LRRC69: variants seen among roughly 807,000 people sequenced by gnomAD.
LRRC69 encodes leucine-rich repeat-containing protein 69.
Under a neutral mutation model 37.8 loss-of-function variants are expected in LRRC69, and 42 were observed. The ratio of observed to expected loss-of-function variants is 1.11; its 90% CI spans 0.87 to 1.44. The LOEUF (loss-of-function observed/expected upper bound fraction) is 1.44. Among genes scored for constraint, LRRC69 ranks in the 40% most tolerant of loss-of-function variants. The pLI, the probability that LRRC69 is intolerant of heterozygous loss-of-function variation, is 0.00. For synonymous variants in LRRC69, 141 were observed against 143.1 expected (o/e 0.99, Z 0.11); for missense variants, 357 against 401.9 (o/e 0.89, Z 0.96).
intron 1 of LRRC69, among the ~76,000 whole-genome samples, chr8:91,103,566 T>C (rs566959456): frequency 1.9e-4 from 29 of 152,114 alleles, no homozygotes; most frequent in African/African-American, 7.0e-4. Context: ...CACTGCTGAA[T>C]TGTCATCAGC....
chr8:91,188,044 CA>C (rs371794155), intron 5 of LRRC69, among the ~76,000 whole-genome samples: 186 of 152,258 alleles, frequency 1.2e-3, no homozygotes, highest in African/African-American at 4.2e-3. Context: ...TAACCCTTCT[CA>C]TTTCAGCACA....
chr8:91,129,996 C>T (rs973842279), intron 3 of LRRC69, among the ~76,000 whole-genome samples: 1 of 151,872 alleles, frequency 6.6e-6, no homozygotes, highest in Admixed American at 6.6e-5. Context: ...TTGTACTATT[C>T]AATGCATTTT....
intron 1 of LRRC69, among the ~76,000 whole-genome samples, chr8:91,106,259 T>C (rs1813309844): frequency 6.6e-6 from 1 of 152,110 alleles, no homozygotes; most frequent in Non-Finnish European, 1.5e-5. Context: ...CTATGACTTT[T>C]GTTTCATTTT....
intron 6 of LRRC69, among the ~76,000 whole-genome samples, chr8:91,190,742 G>C (rs1209050236): frequency 6.6e-6 from 1 of 152,030 alleles, no homozygotes; most frequent in East Asian, 1.9e-4. Flanking sequence ...ATAATTTTCT[G>C]GCTTTTTAGC....
At chr8:91,200,103 A>G (rs1461718080) in intron 6 of LRRC69, among the ~76,000 whole-genome samples, 1 of 152,162 alleles carries the variant, frequency 6.6e-6, no homozygotes, top group Non-Finnish European at 1.5e-5. Flanking sequence ...TTACCTGAGG[A>G]ACTAGTTAAA....
intron 1 of LRRC69, 40 bp from the exon 2 acceptor site, chr8:91,124,453 G>C: frequency 7.0e-7 from 1 of 1,419,894 alleles, no homozygotes; most frequent in Non-Finnish European, 9.3e-7. Flanking sequence ...ATTTGAAGTT[G>C]GATGATATAT....
chr8:91,123,693 A>G (rs752654077), intron 1 of LRRC69, among the ~76,000 whole-genome samples: 4 of 151,966 alleles, frequency 2.6e-5, no homozygotes, highest in Non-Finnish European at 5.9e-5. Context: ...TTAAACCTGA[A>G]TAGTAAATTA....
intron 5 of LRRC69, among the ~76,000 whole-genome samples, chr8:91,188,760 G>T (rs1438581795): frequency 6.6e-6 from 1 of 150,566 alleles, no homozygotes; most frequent in Non-Finnish European, 1.5e-5. Context: ...TACTGAAGTT[G>T]TAGACTGCAA....
intron 3 of LRRC69, among the ~76,000 whole-genome samples, chr8:91,132,820 G>A (rs1813830643): frequency 6.6e-6 from 1 of 151,902 alleles, no homozygotes; most frequent in African/African-American, 2.4e-5. Flanking sequence ...TATGGCCAAT[G>A]TATATGTATA....
intron 7 of LRRC69, among the ~76,000 whole-genome samples, chr8:91,206,194 C>T (rs1219109878): frequency 6.6e-6 from 1 of 152,160 alleles, no homozygotes; most frequent in Admixed American, 6.6e-5. Flanking sequence ...AGTTTGTCAA[C>T]ATATTACATC....
chr8:91,188,968 G>C (rs993890839), intron 5 of LRRC69, among the ~76,000 whole-genome samples: 1 of 151,648 alleles, frequency 6.6e-6, no homozygotes, highest in Non-Finnish European at 1.5e-5. Flanking sequence ...GGGATTATGG[G>C]CATGTACCAC....
In LRRC69 at chr8:91,108,430, C is replaced by T. The variant is rs557142605; in HGVS notation, c.183+5586C>T. ...TAGTGGGGAAAGTTAATGAAACATACAAATAAGTGTATTATTACAATTGTG... is the reference window on the plus strand; with the variant it reads ...TAGTGGGGAAAGTTAATGAAACATATAAATAAGTGTATTATTACAATTGTG... On this transcript the variant is annotated intron_variant, in intron 1 of 7. Coordinates refer to ENST00000448384, the Ensembl canonical transcript of LRRC69. Among the ~76,000 whole-genome samples, 3 of 152,078 alleles carry T rather than the reference C, an allele frequency of 2.0e-5. No homozygotes were observed. The South Asian group carries it at 6.2e-4, about 32-fold the overall frequency.
At chr8:91,127,138 C>A in exon 3 of LRRC69, 1 of 1,548,574 alleles carries the variant, frequency 6.5e-7, no homozygotes, top group Non-Finnish European at 8.7e-7. Context: ...TCATCTTACG[C>A]AGCTTCCTCA....
chr8:91,177,500 A>G (rs1809252662), intron 5 of LRRC69, among the ~76,000 whole-genome samples: 1 of 152,218 alleles, frequency 6.6e-6, no homozygotes, highest in Non-Finnish European at 1.5e-5. Context: ...ATAGTTCTAC[A>G]TAATTATATA....
chr8:91,206,641 C>T (rs1473866998), intron 7 of LRRC69: 4 of 1,278,064 alleles, frequency 3.1e-6, no homozygotes, highest in Admixed American at 4.6e-5. Context: ...GACAGATTCC[C>T]TCTCAAAACC....
intron 1 of LRRC69, among the ~76,000 whole-genome samples, chr8:91,106,759 C>T (rs527605024): frequency 6.6e-6 from 1 of 151,862 alleles, no homozygotes. Flanking sequence ...GCTCTGAACA[C>T]TACATGCATT....
In LRRC69 at chr8:91,110,363, G is replaced by A. The variant is rs139187995; in HGVS notation, c.183+7519G>A. On this transcript the variant is annotated intron_variant, in intron 1 of 7. Coordinates refer to ENST00000448384, the Ensembl canonical transcript of LRRC69. ...ACTTAAAAAGGTTTTATCTGGCCAGGTGCAGTGGCTCACGCCTGTAATCCA... is the reference window on the plus strand; with the variant it reads ...ACTTAAAAAGGTTTTATCTGGCCAGATGCAGTGGCTCACGCCTGTAATCCA... Among the ~76,000 whole-genome samples the A allele has an allele frequency of 2.5e-4, 38 of 152,188 alleles. 1 individual carries two copies. The East Asian group carries it at 6.8e-3, about 27-fold the overall frequency.
intron 5 of LRRC69, among the ~76,000 whole-genome samples, chr8:91,152,049 A>G (rs2130548371): frequency 6.6e-6 from 1 of 151,706 alleles, no homozygotes; most frequent in East Asian, 1.9e-4. Flanking sequence ...CCTTTGTCAG[A>G]TGGGTAGTTT....
intron 1 of LRRC69, among the ~76,000 whole-genome samples, chr8:91,107,220 C>T (rs1279354396): frequency 6.6e-6 from 1 of 151,700 alleles, no homozygotes; most frequent in Non-Finnish European, 1.5e-5. Context: ...CTGCAACCTC[C>T]GCCTCCCAGG....
Sources: allele counts gnomAD v4.1 joint callset (sites outside exome capture counted in the v4.1 genomes callset), GRCh38; gene constraint gnomAD v4.1.1; transcripts MANE v1.5; gene names NCBI Gene and HGNC (gene_info 2026-07-23, HGNC 2026-07-21).